The following ADPRS variants were observed in gnomAD, a reference collection of about 807,000 sequenced individuals.
ADPRS encodes ADP-ribosylhydrolase ARH3.
Under a neutral mutation model 32.1 loss-of-function variants are expected in ADPRS, and 25 were observed. The ratio of observed to expected loss-of-function variants is 0.78; its 90% CI spans 0.57 to 1.09. The LOEUF (loss-of-function observed/expected upper bound fraction) is 1.09. Ranked by LOEUF, ADPRS falls within the 50% of genes least tolerant of loss-of-function variation. The pLI, the probability that ADPRS is intolerant of heterozygous loss-of-function variation, is 0.00. For missense variants in ADPRS, 482 were observed against 480.6 expected (o/e 1.00, Z -0.03); for synonymous variants, 225 against 201.0 (o/e 1.12, Z -1.01).
intron 1 of ADPRS, among the ~76,000 whole-genome samples, chr1:36,090,200 T>C (rs539839713): frequency 6.6e-6 from 1 of 152,246 alleles, no homozygotes; most frequent in African/African-American, 2.4e-5. Context: ...CGCACACCTA[T>C]AATCCCAGCT....
chr1:36,091,406 G>A, intron 2 of ADPRS, 66 bp downstream of exon 2: 1 of 1,497,812 alleles, frequency 6.7e-7, no homozygotes, highest in Non-Finnish European at 9.2e-7. Context: ...TTGACCAGAG[G>A]AATGACATTT....
rs776682941 is a variant in ADPRS, at chr1:36,093,305, G to T, written c.1011G>T (p.Glu337Asp). The change falls in exon 6 of 6, where the codon GAG becomes GAT. Residue 337 changes from glutamate (E) to aspartate (D), a missense_variant. Transcript: ENST00000373178. ...ACTATGGGATGGATCAGGTGCCAGA[G>T]AGCTGGCAGCAAAGCTGTGAAGGCT... ...GAYYGMDQVP[E>D]SWQQSCEGYE... 8.7e-6 allele frequency: 14 copies of T among 1,614,244 alleles called. No homozygotes were observed. The highest frequency in any genetic ancestry group is 1.1e-5 in the Non-Finnish European group (13 of 1,180,056).
rs1386935523 is a variant in ADPRS at position 36,091,227 on chromosome 1, C to T, written c.212-17C>T. The T allele has an allele frequency of 1.9e-6, 3 of 1,601,832 alleles. No homozygotes were observed. The highest frequency in any genetic ancestry group is 1.7e-6 in the Non-Finnish European group (2 of 1,169,218). ...AAGGTGAGCAGGAGGCTCTCATCCT[C>T]CCTCCTCTCCCCACAGAAGCCTTGT... is the stretch of plus-strand genomic sequence containing the variant. On this transcript the variant is annotated splice_polypyrimidine_tract_variant and intron_variant, in intron 1 of 5. Transcript: ENST00000373178.
At chr1:36,093,032 G>T in intron 5 of ADPRS, 65 bp from the exon 6 acceptor site, 1 of 1,549,706 alleles carries the variant, frequency 6.5e-7, no homozygotes, top group South Asian at 1.2e-5. Flanking sequence ...CGAGAGTGCT[G>T]ACTTGTGTCA....
At chr1:36,089,181 G>C in intron 1 of ADPRS, 66 bp downstream of exon 1, 1 of 1,366,910 alleles carries the variant, frequency 7.3e-7, no homozygotes, top group Non-Finnish European at 9.4e-7. Context: ...CGGAGCCTCC[G>C]GGGGCGACGG....
At position 36,089,159 on chromosome 1, in the gene ADPRS, G is replaced by A. The variant is rs775503829; in HGVS notation, c.211+44G>A. Reference sequence around the variant, plus strand: ...AAGTCAGAGGCCGTGCGGGAGGGAGGCCGAAGGGGCGCGGAGCCTCCGGGG... The same window carrying A: ...AAGTCAGAGGCCGTGCGGGAGGGAGACCGAAGGGGCGCGGAGCCTCCGGGG... On this transcript the variant is annotated intron_variant, in intron 1 of 5. Coordinates refer to ENST00000373178, the MANE Select transcript of ADPRS (RefSeq NM_017825.3). The A allele has an allele frequency of 1.3e-5, 18 of 1,381,592 alleles. No homozygotes were observed. The South Asian group carries it at 2.9e-4, about 22-fold the overall frequency. The allele number at this position is 1,381,592 out of a possible 1,614,324, so 85.6% of individuals were successfully genotyped here.
chr1:36,091,569 T>G, intron 2 of ADPRS, 49 bp from the exon 3 acceptor site: 1 of 1,518,904 alleles, frequency 6.6e-7, no homozygotes, highest in South Asian at 1.2e-5. Context: ...CTCCCAACCC[T>G]TAGAGGCATC....
At chr1:36,091,490 G>A in intron 2 of ADPRS, 128 bp from the exon 3 acceptor site, 1 of 1,201,244 alleles carries the variant, frequency 8.3e-7, no homozygotes, top group Non-Finnish European at 1.2e-6. Flanking sequence ...TAAAACAGCA[G>A]CACTGCTGGT....
intron 1 of ADPRS, 27 bp downstream of exon 1, chr1:36,089,142 G>C (rs1570008571): frequency 1.6e-5 from 23 of 1,394,932 alleles, no homozygotes; most frequent in Non-Finnish European, 2.1e-5. Context: ...GCAAGTCAGA[G>C]GCCGTGCGGG....
rs1400504918 is a variant in ADPRS at position 36,091,405 on chromosome 1, G to A, written c.308+65G>A. The A allele has an allele frequency of 4.0e-6, 6 of 1,500,336 alleles. No individual in the cohort carries two copies. The African/African-American group carries it at 4.1e-5, about 10-fold the overall frequency. 92.9% of individuals were successfully genotyped at this position (1,500,336 alleles called of 1,614,324 possible). A position where few individuals can be genotyped will look rare whatever the true frequency, so the allele number is the denominator to read the frequency against. ...AAAGTTATTGCACCCCTTGACCAGA[G>A]GAATGACATTTGTGCATGTCCACGC... On this transcript the variant is annotated intron_variant, in intron 2 of 5. Transcript: ENST00000373178.
intron 1 of ADPRS, among the ~76,000 whole-genome samples, chr1:36,089,417 C>T (rs1215003690): frequency 6.6e-6 from 1 of 152,228 alleles, no homozygotes; most frequent in Non-Finnish European, 1.5e-5. Flanking sequence ...GCGCTTTCAG[C>T]TTAGACGACC....
In ADPRS at chr1:36,092,563, C is replaced by T. The variant is rs60590162; in HGVS notation, c.802+41C>T. On this transcript the variant is annotated intron_variant, in intron 5 of 5. Coordinates refer to ENST00000373178, the MANE Select transcript of ADPRS (RefSeq NM_017825.3). ...TGGGATTGTCTCTCCCTCTGTCGTC[C>T]TTCAGGGTCGGTCTTGGGCTCAGGG... The T allele has an allele frequency of 0.014, 21,647 of 1,596,244 alleles. 1,358 individuals are homozygous for T. In the East Asian group the frequency reaches 0.21, roughly 15 times the overall value.
chr1:36,090,679 CAAAAA>C (rs10625386), intron 1 of ADPRS, among the ~76,000 whole-genome samples: 4 of 65,330 alleles, frequency 6.1e-5, no homozygotes, highest in Non-Finnish European at 8.6e-5. Flanking sequence ...TCCATCTCTA[CAAAAA>C]AAAAAAAAAA....
At position 36,092,476 on chromosome 1, in the gene ADPRS, T is replaced by A; in HGVS notation, c.756T>A (p.Leu252=). The A allele has an allele frequency of 6.2e-7, 1 of 1,614,160 alleles. No homozygotes were observed. Among genetic ancestry groups the A allele is most frequent in the Non-Finnish European group, 8.5e-7 (1 of 1,180,024 alleles). Residue 252 remains leucine, a synonymous_variant, in exon 5 of 6, where the codon CTT becomes CTA. Transcript: ENST00000373178. ...YSSRLKKIGE[L]LDQASVTREE... ...GCCGCCTGAAGAAGATTGGAGAGCT[T>A]CTAGACCAGGCATCGGTGACCAGGG... is the stretch of plus-strand genomic sequence containing the variant.
chr1:36,092,325 G>T lies in ADPRS; in HGVS notation c.702-97G>T. ...GGCACCTGTGCCTGGCTGCCAGCCT[G>T]ACCACATCCCTGCTCGTTCTCACAT... On this transcript the variant is annotated intron_variant, in intron 4 of 5. Transcript: ENST00000373178. 2.3e-6 allele frequency: 3 copies of T among 1,317,402 alleles called. No homozygotes were observed. The South Asian group carries it at 4.0e-5, about 18-fold the overall frequency. 81.6% of individuals were successfully genotyped at this position (1,317,402 alleles called of 1,614,324 possible).
In ADPRS at chr1:36,088,915, C is replaced by CGGCGAT; in HGVS notation, c.16_21dup (p.Met6_Ala7dup). 1 of 1,525,206 alleles carries CGGCGAT rather than the reference C, an allele frequency of 6.6e-7. No homozygotes were observed. The highest frequency in any genetic ancestry group is 8.8e-7 in the Non-Finnish European group (1 of 1,141,596). 94.5% of individuals were successfully genotyped at this position (1,525,206 alleles called of 1,614,324 possible). A position where few individuals can be genotyped will look rare whatever the true frequency, so the allele number is the denominator to read the frequency against. Reference sequence around the variant, plus strand: ...GCAGTCTGCGCGCGGATGGCCGCAGCGGCGATGGCGGCAGCGGCAGGTGGA... The same window carrying CGGCGAT: ...GCAGTCTGCGCGCGGATGGCCGCAGCGGCGATGGCGATGGCGGCAGCGGCAGGTGGA... On this transcript the variant is annotated inframe_insertion, in exon 1 of 6. Coordinates refer to ENST00000373178, the MANE Select transcript of ADPRS (RefSeq NM_017825.3).
rs771199144 is a variant in ADPRS, at chr1:36,092,056, T to C, written c.663T>C (p.Asp221=). 6.2e-7 allele frequency: 1 copy of C among 1,613,448 alleles called. No homozygotes were observed. The highest frequency in any genetic ancestry group is 8.5e-7 in the Non-Finnish European group (1 of 1,179,712). Residue 221 remains aspartate, a synonymous_variant, in exon 4 of 6, where the codon GAT becomes GAC. Transcript: ENST00000373178. ...AGCAACTCCTGGGCCACATGGAGGA[T>C]CTGGAGGGTGATGCCCAGTCCGTCT... ...FLKQLLGHME[D]LEGDAQSVLD...
rs778513008 is a variant in ADPRS at position 36,093,064 on chromosome 1, G to GA, written c.803-33_803-32insA. ...GTCAAATGGTAGGAGGCCTGGGGAA[G>GA]CATGCAGCCCCTCTAACCTGGCTTC... is the stretch of plus-strand genomic sequence containing the variant. On this transcript the variant is annotated intron_variant, in intron 5 of 5. Transcript: ENST00000373178. 9.4e-4 allele frequency: 1,499 copies of GA among 1,596,802 alleles called. 2 individuals carry two copies. Among genetic ancestry groups the GA allele is most frequent in the Non-Finnish European group, 1.2e-3 (1,431 of 1,168,932 alleles).
intron 5 of ADPRS, 133 bp downstream of exon 5, chr1:36,092,655 G>A: frequency 1.3e-6 from 1 of 782,952 alleles, no homozygotes; most frequent in Non-Finnish European, 2.1e-6. Flanking sequence ...CAATGGCAGG[G>A]TTGAGCTCAG....
Sources: allele counts gnomAD v4.1 joint callset (sites outside exome capture counted in the v4.1 genomes callset), GRCh38; gene constraint gnomAD v4.1.1; transcripts MANE v1.5; gene names NCBI Gene and HGNC (gene_info 2026-07-23, HGNC 2026-07-21).